Variants in VTI1A observed in about 807,000 individuals in gnomAD.
VTI1A encodes vesicle transport through interaction with t-SNAREs 1A.
In VTI1A, 22 loss-of-function variants were observed where a neutral mutation model predicts 34.9. That is an observed-to-expected ratio of 0.63 (90% CI 0.45 to 0.90). The LOEUF is 0.90. Ranked by LOEUF, VTI1A falls within the 40% of genes least tolerant of loss-of-function variation. The pLI is 0.00. For missense variants in VTI1A, 268 were observed against 275.6 expected, an observed-to-expected ratio of 0.97 and a Z score of 0.20; for synonymous variants, 87 against 97.3, an observed-to-expected ratio of 0.89 and a Z score of 0.62.
chr10:112,456,950 A>G lies in VTI1A; in HGVS notation c.95-3574A>G, dbSNP rs190003265. The stretch of plus-strand genomic sequence containing the variant: ...TGGCTCATTTTTGTCCATTGATCCT[A>G]TGAGCCACCCCACATTATTCTAACA... On this transcript the variant is annotated intron_variant, in intron 1 of 7. Transcript: ENST00000393077. Among the ~76,000 whole-genome samples the G allele has an allele frequency of 7.9e-5, 12 of 152,330 alleles. No individual in the cohort carries two copies. In the South Asian group the frequency reaches 1.0e-3, roughly 13 times the overall value.
At chr10:112,842,319 G>A in the VTI1A span, among the ~76,000 whole-genome samples, 1 of 152,062 alleles carries the variant, frequency 6.6e-6, no homozygotes, top group Non-Finnish European at 1.5e-5. Context: ...GGGGAGGCTG[G>A]AGAACTCATC....
rs5787977 is a variant in VTI1A, at chr10:112,797,555, G to GA, written c.561-17724dup. On this transcript the variant is annotated intron_variant, in intron 7 of 7. Transcript: ENST00000393077. ...ATGCTGGCCATGAAAGGAGATTCAA[G>GA]AAAAAAAAAAATTAAGATACCCTAT... is the stretch of plus-strand genomic sequence containing the variant. Among the ~76,000 whole-genome samples the GA allele has an allele frequency of 2.0e-5, 3 of 150,460 alleles. No homozygotes were observed. The East Asian group carries it at 5.9e-4, about 30-fold the overall frequency.
chr10:112,792,733 A>G (rs1201557866), intron 7 of VTI1A, among the ~76,000 whole-genome samples: 2 of 152,210 alleles, frequency 1.3e-5, no homozygotes, highest in African/African-American at 4.8e-5. Flanking sequence ...GAATGTTTAC[A>G]TGAGCCTTTT....
intron 7 of VTI1A, among the ~76,000 whole-genome samples, chr10:112,730,400 G>T (rs1886601): frequency 0.42 from 64,398 of 151,976 alleles, 16,879 homozygotes; most frequent in African/African-American, 0.75. Context: ...ACCTTGTGGC[G>T]TGATCTTGTC....
intron 3 of VTI1A, among the ~76,000 whole-genome samples, chr10:112,509,115 T>C (rs1322864651): frequency 2.0e-5 from 3 of 152,330 alleles, no homozygotes; most frequent in East Asian, 1.9e-4. Context: ...TTTTGTATGC[T>C]AGAGGATAAA....
chr10:112,792,004 G>A (rs777589069), intron 7 of VTI1A, among the ~76,000 whole-genome samples: 6 of 152,256 alleles, frequency 3.9e-5, no homozygotes, highest in Admixed American at 2.6e-4. Context: ...GGCCAGGCAC[G>A]ATGGCTCACG....
At chr10:112,661,009 C>A (rs1396604206) in intron 5 of VTI1A, among the ~76,000 whole-genome samples, 2 of 152,158 alleles carry the variant, frequency 1.3e-5, no homozygotes, top group Non-Finnish European at 2.9e-5. Context: ...GAGACAGGGT[C>A]TCAGTCTGTC....
intron 7 of VTI1A, among the ~76,000 whole-genome samples, chr10:112,812,428 C>T (rs1853350710): frequency 6.6e-6 from 1 of 152,212 alleles, no homozygotes; most frequent in Non-Finnish European, 1.5e-5. Context: ...TGTCTCCGAG[C>T]TCTGCATTCC....
chr10:112,720,832 G>T (rs1202243504), intron 7 of VTI1A, among the ~76,000 whole-genome samples: 4 of 152,132 alleles, frequency 2.6e-5, no homozygotes, highest in Non-Finnish European at 5.9e-5. Flanking sequence ...GGACCTAAGA[G>T]GTGAAATATG....
intron 5 of VTI1A, among the ~76,000 whole-genome samples, chr10:112,660,699 G>T (rs1395820709): frequency 1.3e-5 from 2 of 152,140 alleles, no homozygotes; most frequent in Non-Finnish European, 2.9e-5. Context: ...TTTATTAATT[G>T]AAATTTAAAT....
chr10:112,760,857 C>T (rs1167059637), intron 7 of VTI1A, among the ~76,000 whole-genome samples: 7 of 144,720 alleles, frequency 4.8e-5, no homozygotes, highest in Non-Finnish European at 1.0e-4. Context: ...CCACTGCATT[C>T]CAGCCTGGGT....
chr10:112,841,682 C>A, the VTI1A span, among the ~76,000 whole-genome samples: 1 of 152,188 alleles, frequency 6.6e-6, no homozygotes. Context: ...CCATGGCAGT[C>A]ACAGCCACTT....
At chr10:112,819,778 A>G (rs1469476576), downstream of VTI1A, among the ~76,000 whole-genome samples, 4 of 152,068 alleles carry the variant, frequency 2.6e-5, no homozygotes, top group Non-Finnish European at 4.4e-5. Context: ...TCTCCATGCT[A>G]TGGCTGCTGT....
intron 3 of VTI1A, among the ~76,000 whole-genome samples, chr10:112,479,988 C>T (rs750049572): frequency 6.6e-6 from 1 of 152,184 alleles, no homozygotes; most frequent in Non-Finnish European, 1.5e-5. Context: ...CTAAAAGTAT[C>T]TGTTAAATAT....
chr10:112,614,724 G>A (rs1845453805), intron 5 of VTI1A, among the ~76,000 whole-genome samples: 1 of 152,010 alleles, frequency 6.6e-6, no homozygotes, highest in African/African-American at 2.4e-5. Flanking sequence ...AGATTTTATG[G>A]GCCTGGTGAG....
intron 7 of VTI1A, among the ~76,000 whole-genome samples, chr10:112,758,315 C>T (rs1276101009): frequency 6.6e-6 from 1 of 152,180 alleles, no homozygotes; most frequent in Non-Finnish European, 1.5e-5. Flanking sequence ...CTCTCTATCT[C>T]TGCCAGCTCA....
the VTI1A span, among the ~76,000 whole-genome samples, chr10:112,851,731 C>T: frequency 1.3e-5 from 2 of 152,312 alleles, no homozygotes; most frequent in East Asian, 3.9e-4. Flanking sequence ...ACTGAAGCTT[C>T]TGAACTAGGG....
intron 5 of VTI1A, among the ~76,000 whole-genome samples, chr10:112,606,310 C>G (rs1308553027): frequency 6.6e-6 from 1 of 152,104 alleles, no homozygotes; most frequent in Admixed American, 6.5e-5. Flanking sequence ...CAGACGTGAG[C>G]CACCGCGCCC....
intron 7 of VTI1A, among the ~76,000 whole-genome samples, chr10:112,694,561 G>A (rs184295573): frequency 6.6e-6 from 1 of 152,004 alleles, no homozygotes; most frequent in Admixed American, 6.6e-5. Context: ...CTGAATGGCA[G>A]AGTTAGTCTC....
Sources: gnomAD v4.1 joint callset for allele counts (sites outside exome capture counted in the v4.1 genomes callset) on GRCh38, gnomAD v4.1.1 for gene constraint, MANE v1.5 for transcripts, NCBI Gene and HGNC (gene_info 2026-07-23, HGNC 2026-07-21) for gene names.